Variants in ITSN1 observed in about 807,000 individuals in gnomAD.
The protein encoded by ITSN1 is intersectin 1.
A neutral mutation model predicts 239.8 loss-of-function variants in ITSN1; 58 were observed. The ratio of observed to expected loss-of-function variants is 0.24; its 90% CI spans 0.20 to 0.30. The LOEUF (loss-of-function observed/expected upper bound fraction) is 0.30, where lower values mean the gene tolerates loss of function less well. Ranked by LOEUF, ITSN1 falls within the 10% of genes least tolerant of loss-of-function variation. ITSN1 has a pLI of 1.00. For synonymous variants in ITSN1, 780 were observed against 770.8 expected (o/e 1.01, Z -0.20); for missense variants, 1,558 against 2,103.3 (o/e 0.74, Z 5.07).
intron 28 of ITSN1, 128 bp from the exon 29 acceptor site, chr21:33,836,313 G>A: frequency 1.7e-6 from 1 of 598,786 alleles, no homozygotes. Context: ...CAACAGAACA[G>A]TTCCACCTAC....
At chr21:33,728,262 G>T (rs758764135) in intron 4 of ITSN1, among the ~76,000 whole-genome samples, 11 of 151,916 alleles carry the variant, frequency 7.2e-5, no homozygotes, top group Non-Finnish European at 1.6e-4. Context: ...ACCGCACCCG[G>T]CCAGGAATAA....
At chr21:33,873,827 G>T (rs947639431) in intron 33 of ITSN1, among the ~76,000 whole-genome samples, 1 of 151,950 alleles carries the variant, frequency 6.6e-6, no homozygotes, top group African/African-American at 2.4e-5. Context: ...AGATGAGATC[G>T]TGCCACTGTT....
Position 33,648,297 on chromosome 21 carries a change from A to G in ITSN1, c.-33+5584A>G, listed in dbSNP as rs1048026360. On this transcript the variant is annotated intron_variant, in intron 1 of 39. Coordinates refer to ENST00000381318, the MANE Select transcript of ITSN1 (RefSeq NM_003024.3). ...TTAACTCACTTCACAAAAAACTCTC[A>G]TCTTACAGATGCCTTGGAAACTAGG... 4.6e-5 allele frequency among the ~76,000 whole-genome samples: 7 copies of G among 152,356 alleles called. No individual in the cohort carries two copies. The South Asian group carries it at 1.0e-3, about 23-fold the overall frequency.
chr21:33,800,785 A>AT (rs144141328), intron 19 of ITSN1, among the ~76,000 whole-genome samples: 1,630 of 142,170 alleles, frequency 0.011, 22 homozygotes, highest in African/African-American at 0.035. Flanking sequence ...TACTCTTAAC[A>AT]TTTTTTTTTT....
At chr21:33,881,923 G>A (rs1984983888) in intron 34 of ITSN1, among the ~76,000 whole-genome samples, 1 of 140,598 alleles carries the variant, frequency 7.1e-6, no homozygotes, top group African/African-American at 2.6e-5. Flanking sequence ...TCCAGCCTGG[G>A]CAACATAGTG....
chr21:33,667,154 T>C (rs2146328458), intron 1 of ITSN1, among the ~76,000 whole-genome samples: 1 of 152,002 alleles, frequency 6.6e-6, no homozygotes, highest in East Asian at 1.9e-4. Context: ...TTTTAAACTC[T>C]TTTTCTCCAC....
chr21:33,766,164 A>G, intron 10 of ITSN1, 152 bp downstream of exon 10: 3 of 757,018 alleles, frequency 4.0e-6, no homozygotes, highest in South Asian at 3.9e-5. Flanking sequence ...GTCTATGTTA[A>G]TCTTGGGCCC....
chr21:33,739,555 A>C (rs924611805), intron 5 of ITSN1, among the ~76,000 whole-genome samples: 5 of 152,210 alleles, frequency 3.3e-5, no homozygotes, highest in African/African-American at 1.2e-4. Flanking sequence ...AAGTGCAATA[A>C]GTTCATTAAA....
At chr21:33,850,745 A>T (rs1334601698) in intron 29 of ITSN1, among the ~76,000 whole-genome samples, 1 of 152,208 alleles carries the variant, frequency 6.6e-6, no homozygotes, top group African/African-American at 2.4e-5. Flanking sequence ...TCTTCACGTC[A>T]TATCCATGTG....
At chr21:33,692,297 G>A (rs1372126158) in intron 1 of ITSN1, among the ~76,000 whole-genome samples, 7 of 152,172 alleles carry the variant, frequency 4.6e-5, no homozygotes, top group South Asian at 2.1e-4. Flanking sequence ...CACGAGGTCC[G>A]TACCAGTAAG....
chr21:33,680,903 G>A (rs1188186289), intron 1 of ITSN1, among the ~76,000 whole-genome samples: 2 of 152,126 alleles, frequency 1.3e-5, no homozygotes, highest in African/African-American at 2.4e-5. Flanking sequence ...AAGTTTAGTC[G>A]GGTATATTAA....
chr21:33,882,139 G>A lies in ITSN1; in HGVS notation c.4342-104G>A. On this transcript the variant is annotated intron_variant, in intron 34 of 39. Transcript: ENST00000381318. The surrounding 1 kb of genome is among the most constrained non-coding windows in gnomAD (Gnocchi z 4.5). ...AAAGCTATCCTTGACTTTTGCCTGA[G>A]ATCCGAGTCTGCTGGGGCCTGGCCT... 1.0e-6 allele frequency: 1 copy of A among 960,602 alleles called. No homozygotes were observed. The allele number at this position is 960,602 out of a possible 1,614,324, so 59.5% of individuals were successfully genotyped here.
Position 33,767,721 on chromosome 21 carries a change from G to A in ITSN1, c.935G>A (p.Arg312Gln), listed in dbSNP as rs778262651. Residue 312 changes from arginine (R) to glutamine (Q), a missense_variant, in exon 11 of 40, where the codon CGA becomes CAA. By Grantham distance (43) the Arg-to-Gln change is conservative. Around this residue, in one of 2 missense-constraint regions of ITSN1, gnomAD observed 982 missense variants for 1,209.9 expected, o/e 0.81. Coordinates refer to ENST00000381318, the MANE Select transcript of ITSN1 (RefSeq NM_003024.3). ...EYIPPSFRRV[R>Q]SGSGISVISS... Reference sequence around the variant, plus strand: ...TTTCCCCGCAATTGCAGAAGAGTTCGATCTGGCAGTGGTATATCTGTCATA... The same window carrying A: ...TTTCCCCGCAATTGCAGAAGAGTTCAATCTGGCAGTGGTATATCTGTCATA... 27 of 1,600,194 alleles carry A rather than the reference G, an allele frequency of 1.7e-5. No homozygotes were observed. The highest frequency in any genetic ancestry group is 5.4e-5 in the African/African-American group (4 of 74,456).
rs2067465647 is a variant in ITSN1, at chr21:33,750,331, C to T, written c.526+9C>T. On this transcript the variant is annotated intron_variant, in intron 6 of 39. Coordinates refer to ENST00000381318, the MANE Select transcript of ITSN1 (RefSeq NM_003024.3). Reference sequence around the variant, plus strand: ...TGCATTTGCTCATCCTGGTATGTGACTTGCTGAAACCATAGGCTGAGTTTT... The same window carrying T: ...TGCATTTGCTCATCCTGGTATGTGATTTGCTGAAACCATAGGCTGAGTTTT... 1 of 1,611,530 alleles carries T rather than the reference C, an allele frequency of 6.2e-7. No individual in the cohort carries two copies. The highest frequency in any genetic ancestry group is 1.1e-5 in the South Asian group (1 of 90,990).
At chr21:33,877,057 A>ATCTTTTTTTTTTTTTTTT (rs921308673) in intron 34 of ITSN1, among the ~76,000 whole-genome samples, 2 of 28,994 alleles carry the variant, frequency 6.9e-5, no homozygotes, top group Non-Finnish European at 1.2e-4. Context: ...ACCTGTGGGC[A>ATCTTTTTTTTTTTTTTTT]CCTTTTTTTT....
chr21:33,697,625 T>G (rs1004091036), intron 1 of ITSN1, among the ~76,000 whole-genome samples: 1 of 152,210 alleles, frequency 6.6e-6, no homozygotes, highest in African/African-American at 2.4e-5. Context: ...TTGAATCTAT[T>G]CCATAACTTA....
intron 34 of ITSN1, among the ~76,000 whole-genome samples, chr21:33,881,750 GT>G (rs1984948745): frequency 6.6e-6 from 1 of 152,116 alleles, no homozygotes; most frequent in Admixed American, 6.5e-5. Context: ...GGAGCTTGAG[GT>G]GGAACGATCG....
intron 17 of ITSN1, 118 bp downstream of exon 17, chr21:33,794,586 T>C (rs2071390179): frequency 3.5e-5 from 46 of 1,329,734 alleles, no homozygotes; most frequent in Non-Finnish European, 4.7e-5. Flanking sequence ...TTAGTGTGCA[T>C]GTGAAGTGTG....
intron 1 of ITSN1, among the ~76,000 whole-genome samples, chr21:33,703,027 A>G (rs1173064784): frequency 2.0e-5 from 3 of 151,726 alleles, no homozygotes; most frequent in African/African-American, 7.3e-5. Context: ...CAGTGATTGC[A>G]GTGAGCCGAG....
Sources: allele counts gnomAD v4.1 joint callset (sites outside exome capture counted in the v4.1 genomes callset), GRCh38; gene constraint gnomAD v4.1.1; regional missense constraint gnomAD v4.1.1; non-coding constraint Gnocchi (gnomAD v3.1); transcripts MANE v1.5; gene names NCBI Gene and HGNC (gene_info 2026-07-23, HGNC 2026-07-21).